KIAA0319: variants seen among roughly 807,000 people sequenced by gnomAD.
The protein encoded by KIAA0319 is dyslexia-associated protein KIAA0319.
A neutral mutation model predicts 108.4 loss-of-function variants in KIAA0319; 83 were observed. That is an observed-to-expected ratio of 0.77 (90% confidence interval 0.64 to 0.92). The LOEUF is 0.92. KIAA0319 is among the 40% of genes least tolerant of loss of function. KIAA0319 has a pLI of 0.00. For missense variants in KIAA0319, 1,195 were observed against 1,322.4 expected (o/e 0.90, Z 1.49); for synonymous variants, 484 against 510.4 (o/e 0.95, Z 0.70).
intron 13 of KIAA0319, among the ~76,000 whole-genome samples, chr6:24,567,194 GA>G (rs1305853173): frequency 6.3e-5 from 9 of 141,746 alleles, no homozygotes; most frequent in South Asian, 2.2e-4. Context: ...CAAAAAAAAA[GA>G]AAAAAAAAAT....
chr6:24,566,831 AACTCTTCC>A, intron 13 of KIAA0319, 83 bp from the exon 14 acceptor site: 1 of 1,292,562 alleles, frequency 7.7e-7, no homozygotes, highest in Admixed American at 2.2e-5. Flanking sequence ...AAACATCCAC[AACTCTTCC>A]ACCTTGCAGA....
chr6:24,598,202 C>G (rs1413284404), intron 2 of KIAA0319: 11 of 491,988 alleles, frequency 2.2e-5, no homozygotes, highest in Admixed American at 2.0e-4. Flanking sequence ...TATGGCGGGA[C>G]CAGTGGTATG....
At chr6:24,595,215 G>C (rs1233132667) in intron 3 of KIAA0319, among the ~76,000 whole-genome samples, 1 of 152,052 alleles carries the variant, frequency 6.6e-6, no homozygotes, top group Non-Finnish European at 1.5e-5. Flanking sequence ...GTATGTGCTG[G>C]CCCCAGGGAC....
chr6:24,586,825 T>C (rs889204335), intron 4 of KIAA0319, among the ~76,000 whole-genome samples: 1 of 152,104 alleles, frequency 6.6e-6, no homozygotes, highest in Admixed American at 6.5e-5. Context: ...TCCTCCTCCA[T>C]AGAACTCTCT....
At chr6:24,571,683 A>G (rs577675507) in intron 11 of KIAA0319, among the ~76,000 whole-genome samples, 6 of 152,232 alleles carry the variant, frequency 3.9e-5, no homozygotes, top group African/African-American at 1.4e-4. Context: ...CTTCGAATGT[A>G]CCAGACTCTC....
intron 20 of KIAA0319, among the ~76,000 whole-genome samples, chr6:24,548,944 T>C (rs1761028543): frequency 6.6e-6 from 1 of 152,136 alleles, no homozygotes; most frequent in African/African-American, 2.4e-5. Context: ...CACAAATTCA[T>C]GTGTTGAAAT....
chr6:24,626,015 A>G (rs1371793423), intron 1 of KIAA0319, among the ~76,000 whole-genome samples: 2 of 152,340 alleles, frequency 1.3e-5, no homozygotes, highest in South Asian at 2.1e-4. Flanking sequence ...ATTATTTGGC[A>G]ATAAAAAAGG....
chr6:24,565,212 C>T (rs1763725145), intron 14 of KIAA0319, among the ~76,000 whole-genome samples: 2 of 151,382 alleles, frequency 1.3e-5, no homozygotes, highest in South Asian at 2.1e-4. Flanking sequence ...TAGATCGCAC[C>T]ACTAAACTCC....
intron 10 of KIAA0319, among the ~76,000 whole-genome samples, chr6:24,574,238 A>T (rs1168309077): frequency 1.3e-5 from 2 of 152,206 alleles, no homozygotes; most frequent in Non-Finnish European, 2.9e-5. Context: ...GTTAGAGATC[A>T]GCCTGGGCAA....
chr6:24,566,995 G>A (rs17376929), intron 13 of KIAA0319, among the ~76,000 whole-genome samples: 6,923 of 152,150 alleles, frequency 0.046, 174 homozygotes, highest in Non-Finnish European at 0.064. Flanking sequence ...TGTACCTTGG[G>A]AATTTTTCTA....
intron 1 of KIAA0319, among the ~76,000 whole-genome samples, chr6:24,630,108 G>A (rs1775323603): frequency 6.6e-6 from 1 of 152,110 alleles, no homozygotes; most frequent in South Asian, 2.1e-4. Context: ...GAACCTGGGA[G>A]GTGGAGGTTG....
chr6:24,623,306 A>G (rs1774233038), intron 1 of KIAA0319, among the ~76,000 whole-genome samples: 1 of 152,202 alleles, frequency 6.6e-6, no homozygotes, highest in Non-Finnish European at 1.5e-5. Flanking sequence ...GGGAGAGTCC[A>G]GAATTTTCAT....
intron 1 of KIAA0319, among the ~76,000 whole-genome samples, chr6:24,616,516 G>A (rs1582248928): frequency 6.6e-6 from 1 of 152,088 alleles, no homozygotes; most frequent in Non-Finnish European, 1.5e-5. Context: ...ACCACACCCA[G>A]CTAATTTTTG....
chr6:24,636,996 C>A (rs1217419315), intron 1 of KIAA0319, among the ~76,000 whole-genome samples: 1 of 152,184 alleles, frequency 6.6e-6, no homozygotes, highest in African/African-American at 2.4e-5. Context: ...AAGCTGCAGA[C>A]AAAAGCAGAG....
downstream of KIAA0319, among the ~76,000 whole-genome samples, chr6:24,541,061 G>A (rs78820137): frequency 2.0e-5 from 3 of 152,266 alleles, no homozygotes; most frequent in East Asian, 5.8e-4. Context: ...ATCCCTGGCA[G>A]TACCTCTTCA....
chr6:24,566,617 C>A lies in KIAA0319; in HGVS notation c.2272G>T (p.Gly758Cys). 6.2e-7 allele frequency: 1 copy of A among 1,611,428 alleles called. No individual in the cohort carries two copies. Among genetic ancestry groups the A allele is most frequent in the Non-Finnish European group, 8.5e-7 (1 of 1,179,058 alleles). The change falls in exon 14 of 21, where the codon GGC becomes TGC. Residue 758 changes from glycine (G) to cysteine (C), a missense_variant. Coordinates refer to ENST00000378214, the MANE Select transcript of KIAA0319 (RefSeq NM_014809.4). ...RIVSYLWIRDGQSPAAGDVID... is the reference protein window; with the variant it reads ...RIVSYLWIRDCQSPAAGDVID... ...CTCACTCCAGCTGCTGGACTCTGGC[C>A]ATCCCGGATCCACAGATAGGACACA... is the stretch of plus-strand genomic sequence containing the variant.
intron 16 of KIAA0319, among the ~76,000 whole-genome samples, chr6:24,562,984 T>C (rs575008989): frequency 1.3e-5 from 2 of 152,366 alleles, no homozygotes; most frequent in Middle Eastern, 3.4e-3. Flanking sequence ...TCCTTTCACA[T>C]TGAGAGAAGC....
At chr6:24,576,618 G>A (rs748320846) in intron 9 of KIAA0319, 22 bp from the exon 10 acceptor site, 18 of 1,587,946 alleles carry the variant, frequency 1.1e-5, no homozygotes, top group Middle Eastern at 1.7e-4. Context: ...AGAAGAAGCC[G>A]TAGTTGGAAG....
intron 1 of KIAA0319, among the ~76,000 whole-genome samples, chr6:24,614,931 C>G (rs192458947): frequency 6.6e-6 from 1 of 152,182 alleles, no homozygotes; most frequent in East Asian, 1.9e-4. Flanking sequence ...AGCCACAGGG[C>G]AGGGGCTCTG....
Sources: gnomAD v4.1 joint callset for allele counts (sites outside exome capture counted in the v4.1 genomes callset) on GRCh38, gnomAD v4.1.1 for gene constraint, MANE v1.5 for transcripts, NCBI Gene and HGNC (gene_info 2026-07-23, HGNC 2026-07-21) for gene names.